The following DPY19L3 variants were observed in gnomAD, a reference collection of about 807,000 sequenced individuals.
DPY19L3 encodes dpy-19 like C-mannosyltransferase 3.
DPY19L3 carries 51 observed loss-of-function variants against 92.3 expected under a neutral mutation model. That is an observed-to-expected ratio of 0.55 (90% CI 0.44 to 0.70). The LOEUF is 0.70. DPY19L3 is among the 30% of genes least tolerant of loss of function. The pLI, the probability that DPY19L3 is intolerant of heterozygous loss-of-function variation, is 0.00. For synonymous variants in DPY19L3, 309 were observed against 315.2 expected, an observed-to-expected ratio of 0.98 and a Z score of 0.21; for missense variants, 706 against 855.9, an observed-to-expected ratio of 0.82 and a Z score of 2.18.
intron 8 of DPY19L3, among the ~76,000 whole-genome samples, chr19:32,446,988 T>A (rs993345959): frequency 2.6e-5 from 4 of 152,174 alleles, no homozygotes; most frequent in Admixed American, 1.3e-4. Flanking sequence ...CATAAAAGAA[T>A]TAGGATTATA....
intron 1 of DPY19L3, among the ~76,000 whole-genome samples, chr19:32,407,220 C>T (rs1005656080): frequency 5.9e-5 from 9 of 151,412 alleles, no homozygotes; most frequent in African/African-American, 2.2e-4. Flanking sequence ...TCACTGCCAC[C>T]ACTCCCCCGC....
rs190902345 is a variant in DPY19L3 at position 32,460,893 on chromosome 19, C to T, written c.1322+2384C>T. Among the ~76,000 whole-genome samples the T allele has an allele frequency of 2.1e-3, 207 of 96,618 alleles. 1 individual carries two copies. The highest frequency in any genetic ancestry group is 7.8e-3 in the African/African-American group (177 of 22,782). The allele number at this position is 96,618 out of a possible 152,430, so 63.4% of individuals were successfully genotyped here. ...TTTTGTTTTGTTTTGTTTTGAAATGCATCTCGCTCTTGCCTGGGCTGGAGT... is the reference window on the plus strand; with the variant it reads ...TTTTGTTTTGTTTTGTTTTGAAATGTATCTCGCTCTTGCCTGGGCTGGAGT... On this transcript the variant is annotated intron_variant, in intron 12 of 18. Coordinates refer to ENST00000392250, the MANE Select transcript of DPY19L3 (RefSeq NM_001172774.2).
intron 10 of DPY19L3, among the ~76,000 whole-genome samples, chr19:32,456,173 T>A (rs1208040074): frequency 6.7e-6 from 1 of 150,316 alleles, no homozygotes; most frequent in African/African-American, 2.5e-5. Flanking sequence ...TCTCCTGGAT[T>A]TAGGTGATCC....
At chr19:32,441,342 A>G (rs1730121400) in intron 8 of DPY19L3, among the ~76,000 whole-genome samples, 2 of 152,054 alleles carry the variant, frequency 1.3e-5, no homozygotes, top group South Asian at 2.1e-4. Flanking sequence ...GTTCCCCCAT[A>G]TTTTTTTGAA....
chr19:32,470,313 T>C (rs1403536945), intron 16 of DPY19L3, among the ~76,000 whole-genome samples: 1 of 152,234 alleles, frequency 6.6e-6, no homozygotes, highest in Non-Finnish European at 1.5e-5. Flanking sequence ...TTGCATTAAC[T>C]ATAGTCAGCT....
intron 10 of DPY19L3, 75 bp from the exon 11 acceptor site, chr19:32,458,025 A>G: frequency 3.5e-6 from 4 of 1,155,722 alleles, no homozygotes; most frequent in South Asian, 1.4e-5. Flanking sequence ...CTGAATATGT[A>G]AATTCAATGG....
At chr19:32,407,228 C>T (rs1371693407) in intron 1 of DPY19L3, among the ~76,000 whole-genome samples, 3 of 151,072 alleles carry the variant, frequency 2.0e-5, no homozygotes, top group African/African-American at 4.9e-5. Flanking sequence ...ACCACTCCCC[C>T]GCCTCCCACT....
In DPY19L3 at chr19:32,458,134, T is replaced by G; in HGVS notation, c.1124T>G (p.Phe375Cys). Residue 375 changes from phenylalanine to cysteine, a missense_variant, in exon 11 of 19, where the codon TTT becomes TGT. Physicochemically the swap from Phe to Cys is radical, Grantham distance 205 (BLOSUM62 -2). Transcript: ENST00000392250. ...ILNLKSDEHIFKFLKAKFGLG... is the reference protein window; with the variant it reads ...ILNLKSDEHICKFLKAKFGLG... ...AACCTGAAGTCAGATGAACACATAT[T>G]TAAATTTCTGAAGGCAAAATTTGGG... 6.2e-7 allele frequency: 1 copy of G among 1,613,842 alleles called. No homozygotes were observed. The highest frequency in any genetic ancestry group is 8.5e-7 in the Non-Finnish European group (1 of 1,179,916).
At chr19:32,473,566 A>G (rs1033942131) in intron 16 of DPY19L3, among the ~76,000 whole-genome samples, 1 of 152,206 alleles carries the variant, frequency 6.6e-6, no homozygotes, top group African/African-American at 2.4e-5. Context: ...CAGTGAATAT[A>G]AGTATCTTTT....
chr19:32,407,271 CA>C (rs63535561), intron 1 of DPY19L3, among the ~76,000 whole-genome samples: 23,767 of 134,256 alleles, frequency 0.18, 4,777 homozygotes, highest in African/African-American at 0.18. Flanking sequence ...TGCTCCCCCC[CA>C]CCCATTACTC....
At chr19:32,419,349 G>C (rs1380830416) in intron 3 of DPY19L3, among the ~76,000 whole-genome samples, 1 of 151,930 alleles carries the variant, frequency 6.6e-6, no homozygotes, top group East Asian at 1.9e-4. Flanking sequence ...TTTTAGTAGA[G>C]ACGGAGTTTC....
Position 32,450,707 on chromosome 19 carries a change from G to A in DPY19L3, c.856-2438G>A, listed in dbSNP as rs150708622. Among the ~76,000 whole-genome samples the A allele has an allele frequency of 2.9e-3, 448 of 152,256 alleles. 2 individuals carry two copies. Among genetic ancestry groups the A allele is most frequent in the African/African-American group, 9.9e-3 (410 of 41,532 alleles). On this transcript the variant is annotated intron_variant, in intron 8 of 18. Coordinates refer to ENST00000392250, the MANE Select transcript of DPY19L3 (RefSeq NM_001172774.2). ...ACATCAGTGGTTGCCGGAGCTGGGGGTAGGGGATGATGGAGAGTGATGGCT... is the reference window on the plus strand; with the variant it reads ...ACATCAGTGGTTGCCGGAGCTGGGGATAGGGGATGATGGAGAGTGATGGCT...
At chr19:32,451,016 T>G (rs1339917864) in intron 8 of DPY19L3, among the ~76,000 whole-genome samples, 1 of 152,206 alleles carries the variant, frequency 6.6e-6, no homozygotes, top group Non-Finnish European at 1.5e-5. Flanking sequence ...TTCTTTAAGG[T>G]GCTGGGGATA....
intron 16 of DPY19L3, among the ~76,000 whole-genome samples, chr19:32,472,270 C>A (rs886602628): frequency 2.0e-4 from 30 of 152,058 alleles, no homozygotes; most frequent in Non-Finnish European, 2.9e-5. Flanking sequence ...TTAAGTTGCT[C>A]TTTTTTACAA....
rs1350578530 is a variant in DPY19L3, at chr19:32,408,328, T to C, written c.75T>C (p.Asn25=). The C allele has an allele frequency of 3.1e-6, 5 of 1,613,388 alleles. No homozygotes were observed. The highest frequency in any genetic ancestry group is 1.3e-5 in the African/African-American group (1 of 74,880). The part of the protein sequence containing the change: ...VSEDFPAQEE[N]VKLENKLPSG... ...AAGACTTTCCAGCCCAAGAAGAAAA[T>C]GTGAAGTTGGAAAATAAATTGCCAT... Residue 25 remains asparagine (N), a synonymous_variant, in exon 2 of 19, where the codon AAT becomes AAC. Coordinates refer to ENST00000392250, the MANE Select transcript of DPY19L3 (RefSeq NM_001172774.2).
intron 8 of DPY19L3, among the ~76,000 whole-genome samples, chr19:32,448,737 G>A (rs986579577): frequency 1.3e-5 from 2 of 152,110 alleles, no homozygotes; most frequent in Non-Finnish European, 2.9e-5. Flanking sequence ...AGAGGCAGAA[G>A]AAAATCTATG....
chr19:32,445,668 A>G (rs1969474740), intron 8 of DPY19L3, among the ~76,000 whole-genome samples: 1 of 152,174 alleles, frequency 6.6e-6, no homozygotes, highest in Admixed American at 6.5e-5. Flanking sequence ...AAAAATGTGA[A>G]TAAATATAAC....
chr19:32,479,188 C>A (rs1160265254), intron 17 of DPY19L3, among the ~76,000 whole-genome samples: 1 of 152,126 alleles, frequency 6.6e-6, no homozygotes, highest in African/African-American at 2.4e-5. Context: ...GTATAAGAAT[C>A]ATTTGAATTC....
chr19:32,438,943 G>GGAT lies in DPY19L3; in HGVS notation c.597-141_597-139dup, dbSNP rs61070378. 2.3e-3 allele frequency: 1,547 copies of GGAT among 687,030 alleles called. 3 individuals are homozygous for GGAT. Among genetic ancestry groups the GGAT allele is most frequent in the South Asian group, 8.5e-3 (396 of 46,370 alleles). The allele number at this position is 687,030 out of a possible 1,614,324, so 42.6% of individuals were successfully genotyped here. A position where few individuals can be genotyped will look rare whatever the true frequency, so the allele number is the denominator to read the frequency against. ...TCTCTATGCCAATTTTATGTTACAGGGATGATGATGATGATGATGATGATG... is the reference window on the plus strand; with the variant it reads ...TCTCTATGCCAATTTTATGTTACAGGGATGATGATGATGATGATGATGATGATG... On this transcript the variant is annotated intron_variant, in intron 6 of 18. Transcript: ENST00000392250.
Sources: allele counts gnomAD v4.1 joint callset (sites outside exome capture counted in the v4.1 genomes callset), GRCh38; gene constraint gnomAD v4.1.1; transcripts MANE v1.5; gene names NCBI Gene and HGNC (gene_info 2026-07-23, HGNC 2026-07-21).